Variants in HPSE2 observed in about 807,000 individuals in gnomAD.
HPSE2 encodes heparanase 2 (inactive), also known as inactive heparanase-2.
Under a neutral mutation model 60.5 loss-of-function variants are expected in HPSE2, and 38 were observed. The ratio of observed to expected loss-of-function variants is 0.63; its 90% CI spans 0.48 to 0.82. HPSE2 has a LOEUF of 0.82. HPSE2 is among the 40% of genes least tolerant of loss of function. The probability of loss-of-function intolerance (pLI) is 0.00; values close to 1 mark genes in which losing one functional copy is unlikely to be tolerated. For missense variants in HPSE2, 713 were observed against 740.4 expected, an observed-to-expected ratio of 0.96 and a Z score of 0.43; for synonymous variants, 295 against 293.2, an observed-to-expected ratio of 1.01 and a Z score of -0.06.
the HPSE2 span, among the ~76,000 whole-genome samples, chr10:99,280,485 T>C: frequency 2.0e-5 from 3 of 152,136 alleles, no homozygotes; most frequent in African/African-American, 7.2e-5. Context: ...AAATATCAAC[T>C]GCCTAATGAT....
chr10:99,026,567 C>T (rs1957382674), intron 3 of HPSE2, among the ~76,000 whole-genome samples: 1 of 152,072 alleles, frequency 6.6e-6, no homozygotes, highest in Non-Finnish European at 1.5e-5. Context: ...ACAGATATTC[C>T]AGACAGAAAA....
the HPSE2 span, among the ~76,000 whole-genome samples, chr10:99,282,990 C>T: frequency 6.6e-6 from 1 of 151,982 alleles, no homozygotes; most frequent in Non-Finnish European, 1.5e-5. Flanking sequence ...CGAGACCATC[C>T]TGGCTAACAT....
At chr10:98,594,625 T>G (rs1392861368) in intron 9 of HPSE2, among the ~76,000 whole-genome samples, 1 of 152,202 alleles carries the variant, frequency 6.6e-6, no homozygotes, top group African/African-American at 2.4e-5. Context: ...TTGTCTCAAA[T>G]GACAGGATTC....
At chr10:98,890,418 TATGA>T (rs1953300936) in intron 3 of HPSE2, among the ~76,000 whole-genome samples, 1 of 152,034 alleles carries the variant, frequency 6.6e-6, no homozygotes, top group African/African-American at 2.4e-5. Context: ...TGTGGGAAAA[TATGA>T]ATGATATAGT....
At chr10:98,641,758 C>G (rs1946642882) in intron 7 of HPSE2, 89 bp downstream of exon 7, 1 of 963,902 alleles carries the variant, frequency 1.0e-6, no homozygotes, top group Admixed American at 1.7e-5. Context: ...CTGGTTCCCA[C>G]AGTGCTGATG....
At chr10:99,192,862 C>T (rs1439506274) in intron 2 of HPSE2, among the ~76,000 whole-genome samples, 1 of 151,998 alleles carries the variant, frequency 6.6e-6, no homozygotes, top group Non-Finnish European at 1.5e-5. Flanking sequence ...TTCATCAATA[C>T]CAGACCTGTC....
Position 98,990,641 on chromosome 10 carries a change from G to C in HPSE2, c.610+153597C>G, listed in dbSNP as rs112958972. ...AAGCACTTATAATACCATGATAGTAGCTTGAACAACATGATGTCAAATGAG... is the reference window on the plus strand; with the variant it reads ...AAGCACTTATAATACCATGATAGTACCTTGAACAACATGATGTCAAATGAG... On this transcript the variant is annotated intron_variant, in intron 3 of 11. Transcript: ENST00000370552. Among the ~76,000 whole-genome samples, 264 of 152,244 alleles carry C rather than the reference G, an allele frequency of 1.7e-3. 1 individual carries two copies. Among genetic ancestry groups the C allele is most frequent in the African/African-American group, 6.3e-3 (260 of 41,534 alleles).
At chr10:98,696,676 G>C (rs1310581818) in intron 5 of HPSE2, among the ~76,000 whole-genome samples, 1 of 152,218 alleles carries the variant, frequency 6.6e-6, no homozygotes, top group Non-Finnish European at 1.5e-5. Context: ...CCCAGGAGGA[G>C]GGGTGACCAG....
chr10:98,877,248 G>T (rs1952902620), intron 3 of HPSE2, among the ~76,000 whole-genome samples: 1 of 151,616 alleles, frequency 6.6e-6, no homozygotes, highest in South Asian at 2.1e-4. Flanking sequence ...TATTAGCTTG[G>T]GTTCTTAAGG....
At chr10:98,543,556 C>T (rs985207007) in intron 9 of HPSE2, among the ~76,000 whole-genome samples, 2 of 152,048 alleles carry the variant, frequency 1.3e-5, no homozygotes, top group African/African-American at 4.8e-5. Flanking sequence ...GAGTCAAGAC[C>T]CATCAGTGTG....
intron 6 of HPSE2, among the ~76,000 whole-genome samples, chr10:98,686,417 T>G (rs1184736640): frequency 2.6e-5 from 4 of 152,182 alleles, no homozygotes; most frequent in Non-Finnish European, 4.4e-5. Context: ...ATTTATTTAT[T>G]TAGAGATGGG....
chr10:98,819,515 C>T (rs1056885613), intron 3 of HPSE2, among the ~76,000 whole-genome samples: 54 of 150,264 alleles, frequency 3.6e-4, no homozygotes, highest in African/African-American at 1.3e-3. Flanking sequence ...TTACCTTTTC[C>T]CATAAGGGTA....
rs1030821539 is a variant in HPSE2, at chr10:99,033,782, C to CA, written c.610+110455dup. Among the ~76,000 whole-genome samples, 674 of 135,684 alleles carry CA rather than the reference C, an allele frequency of 5.0e-3. 4 individuals are homozygous for CA. Among genetic ancestry groups the CA allele is most frequent in the East Asian group, 0.017 (79 of 4,670 alleles). 89.0% of individuals were successfully genotyped at this position (135,684 alleles called of 152,430 possible). A position where few individuals can be genotyped will look rare whatever the true frequency, so the allele number is the denominator to read the frequency against. ...AGCCTGAGTGACAGAGACTCCGTCT[C>CA]AAAAAAAAAAAAACACAAAAAACCA... On this transcript the variant is annotated intron_variant, in intron 3 of 11. Coordinates refer to ENST00000370552, the MANE Select transcript of HPSE2 (RefSeq NM_021828.5).
chr10:99,180,207 A>T (rs1042618511), intron 2 of HPSE2, among the ~76,000 whole-genome samples: 2 of 152,352 alleles, frequency 1.3e-5, no homozygotes, highest in Non-Finnish European at 2.9e-5. Context: ...ATGGGCAAAG[A>T]CTTCATGACT....
intron 3 of HPSE2, among the ~76,000 whole-genome samples, chr10:99,081,132 A>G (rs1843120996): frequency 6.6e-6 from 1 of 152,182 alleles, no homozygotes; most frequent in Non-Finnish European, 1.5e-5. Context: ...AAAAGTAGAG[A>G]ATGTTGGTAG....
intron 2 of HPSE2, among the ~76,000 whole-genome samples, chr10:99,200,326 T>C (rs1460850937): frequency 2.6e-5 from 4 of 152,110 alleles, no homozygotes; most frequent in South Asian, 2.1e-4. Context: ...TAAGTAACTC[T>C]TTGTCCCTAT....
At chr10:98,879,002 AGAAC>A (rs1161444913) in intron 3 of HPSE2, among the ~76,000 whole-genome samples, 1 of 152,038 alleles carries the variant, frequency 6.6e-6, no homozygotes, top group African/African-American at 2.4e-5. Context: ...AACTGGGAGA[AGAAC>A]GATGTCCTTT....
intron 2 of HPSE2, among the ~76,000 whole-genome samples, chr10:99,186,142 A>ACATACACACACACACC: frequency 6.7e-6 from 1 of 148,936 alleles, no homozygotes. Flanking sequence ...ACACACACAC[A>ACATACACACACACACC]CACACACACA....
intron 2 of HPSE2, among the ~76,000 whole-genome samples, chr10:99,224,286 A>C (rs1849403707): frequency 6.6e-6 from 1 of 152,124 alleles, no homozygotes; most frequent in Non-Finnish European, 1.5e-5. Context: ...CAAGGTATGT[A>C]AACCTTGAAC....
Sources: allele counts gnomAD v4.1 joint callset (sites outside exome capture counted in the v4.1 genomes callset), GRCh38; gene constraint gnomAD v4.1.1; transcripts MANE v1.5; gene names NCBI Gene and HGNC (gene_info 2026-07-23, HGNC 2026-07-21).